MAMDC2: variants seen among roughly 807,000 people sequenced by gnomAD.
The protein encoded by MAMDC2 is MAM domain-containing protein 2.
Under a neutral mutation model 89.8 loss-of-function variants are expected in MAMDC2, and 57 were observed. The ratio of observed to expected loss-of-function variants is 0.63; its 90% CI spans 0.51 to 0.79. The LOEUF (loss-of-function observed/expected upper bound fraction) is 0.79, where lower values mean the gene tolerates loss of function less well. MAMDC2 is among the 30% of genes least tolerant of loss of function. The pLI is 0.00. For synonymous variants in MAMDC2, 313 were observed against 293.4 expected, an observed-to-expected ratio of 1.07 and a Z score of -0.68; for missense variants, 800 against 820.6, an observed-to-expected ratio of 0.97 and a Z score of 0.31.
chr9:70,182,051 G>GT, intron 11 of MAMDC2, among the ~76,000 whole-genome samples: 1 of 152,322 alleles, frequency 6.6e-6, no homozygotes, highest in South Asian at 2.1e-4. Context: ...TTTATTGAGA[G>GT]TTTTTAGCAT....
chr9:70,174,891 A>G (rs1285047155), intron 11 of MAMDC2, among the ~76,000 whole-genome samples: 1 of 151,698 alleles, frequency 6.6e-6, no homozygotes. Flanking sequence ...ATGCTCACTC[A>G]TTTTTGTATT....
intron 2 of MAMDC2, chr9:70,092,115 C>T (rs546726094): frequency 3.9e-5 from 6 of 152,246 alleles, no homozygotes; most frequent in East Asian, 1.9e-4. Context: ...AAAGGTAAAG[C>T]GCTGAGTAAA....
chr9:70,220,841 G>C (rs2033542697), intron 12 of MAMDC2, among the ~76,000 whole-genome samples: 1 of 152,120 alleles, frequency 6.6e-6, no homozygotes, highest in Non-Finnish European at 1.5e-5. Flanking sequence ...CTCAAAATGG[G>C]GTAATAATTC....
Position 70,045,271 on chromosome 9 carries a change from C to T in MAMDC2, c.148+574C>T, listed in dbSNP as rs1376278882. Among the ~76,000 whole-genome samples the T allele has an allele frequency of 2.6e-5, 4 of 152,210 alleles. No individual in the cohort carries two copies. In the East Asian group the frequency reaches 7.7e-4, roughly 29 times the overall value. Reference sequence around the variant, plus strand: ...AGAAACCATGTACACTGCCAAATGCCTGGGGTCCCTGTCTCACTGGTGGTC... The same window carrying T: ...AGAAACCATGTACACTGCCAAATGCTTGGGGTCCCTGTCTCACTGGTGGTC... On this transcript the variant is annotated intron_variant, in intron 2 of 13. Transcript: ENST00000377182.
chr9:70,179,833 T>A (rs2032597164), intron 11 of MAMDC2, among the ~76,000 whole-genome samples: 1 of 145,302 alleles, frequency 6.9e-6, no homozygotes. Flanking sequence ...ACAAAACACC[T>A]GAAAATGCAA....
In MAMDC2 at chr9:70,044,096, C is replaced by A; in HGVS notation, c.-102C>A. On this transcript the variant is annotated 5_prime_UTR_variant, in exon 1 of 14. Coordinates refer to ENST00000377182, the MANE Select transcript of MAMDC2 (RefSeq NM_153267.5). ...CTCTCGACTTCTCCCTCCTTGGGTC[C>A]CCGGCGCCCCCGCCTCCCACGATCC... The A allele has an allele frequency of 7.0e-7, 1 of 1,422,764 alleles. No homozygotes were observed. Among genetic ancestry groups the A allele is most frequent in the Non-Finnish European group, 9.8e-7 (1 of 1,018,102 alleles). The allele number at this position is 1,422,764 out of a possible 1,614,324, so 88.1% of individuals were successfully genotyped here. A position where few individuals can be genotyped will look rare whatever the true frequency, so the allele number is the denominator to read the frequency against.
intron 2 of MAMDC2, among the ~76,000 whole-genome samples, chr9:70,058,356 C>T (rs897375790): frequency 6.6e-6 from 1 of 152,134 alleles, no homozygotes; most frequent in African/African-American, 2.4e-5. Context: ...AAGAACATAA[C>T]CATTCTGCTT....
intron 12 of MAMDC2, among the ~76,000 whole-genome samples, chr9:70,223,349 ATTAT>A (rs1438569853): frequency 6.6e-6 from 1 of 152,192 alleles, no homozygotes; most frequent in African/African-American, 2.4e-5. Flanking sequence ...ATTTTATCTA[ATTAT>A]TAACCAAAAT....
At chr9:70,082,399 C>A (rs905946648) in intron 2 of MAMDC2, among the ~76,000 whole-genome samples, 3 of 152,064 alleles carry the variant, frequency 2.0e-5, no homozygotes, top group Admixed American at 1.3e-4. Flanking sequence ...TAAAAAAACT[C>A]TTTTAAAAAA....
Position 70,222,294 on chromosome 9 carries a change from G to T in MAMDC2, c.1912-3456G>T, listed in dbSNP as rs79737491. ...GCAGGAAGAAAATTAATAGACTTCT[G>T]GGGGGACATGTTAAGTTTTCTATGT... On this transcript the variant is annotated intron_variant, in intron 12 of 13. Coordinates refer to ENST00000377182, the MANE Select transcript of MAMDC2 (RefSeq NM_153267.5). Among the ~76,000 whole-genome samples, 862 of 152,258 alleles carry T rather than the reference G, an allele frequency of 5.7e-3. 10 individuals are homozygous for T. The highest frequency in any genetic ancestry group is 0.02 in the African/African-American group (833 of 41,550).
intron 9 of MAMDC2, among the ~76,000 whole-genome samples, chr9:70,151,803 C>T (rs1445254385): frequency 6.6e-6 from 1 of 152,096 alleles, no homozygotes; most frequent in East Asian, 1.9e-4. Context: ...AGAATGCAGT[C>T]TAGCTTAAGG....
intron 8 of MAMDC2, 21 bp from the exon 9 acceptor site, chr9:70,143,533 T>C (rs1563973083): frequency 3.1e-6 from 5 of 1,611,602 alleles, no homozygotes; most frequent in Non-Finnish European, 4.2e-6. Context: ...GCATTGCTGA[T>C]ATGCTTTATC....
chr9:70,062,257 G>A (rs959695519), intron 2 of MAMDC2, among the ~76,000 whole-genome samples: 1 of 145,082 alleles, frequency 6.9e-6, no homozygotes, highest in African/African-American at 2.8e-5. Flanking sequence ...CATATGAGAT[G>A]TATACACACA....
rs545046198 is a variant in MAMDC2, at chr9:70,201,715, T to C, written c.1652-16622T>C. 3.1e-3 allele frequency among the ~76,000 whole-genome samples: 438 copies of C among 140,508 alleles called. 3 individuals carry two copies. Among genetic ancestry groups the C allele is most frequent in the African/African-American group, 0.011 (404 of 35,268 alleles). 92.2% of individuals were successfully genotyped at this position (140,508 alleles called of 152,430 possible). On this transcript the variant is annotated intron_variant, in intron 11 of 13. Coordinates refer to ENST00000377182, the MANE Select transcript of MAMDC2 (RefSeq NM_153267.5). ...TTTTTGGTTGGTAAACTATTGATTA[T>C]TGCCACAATTTCAGATCCTGTTATT...
At chr9:70,171,731 A>C (rs1326810614) in intron 11 of MAMDC2, among the ~76,000 whole-genome samples, 2 of 152,160 alleles carry the variant, frequency 1.3e-5, no homozygotes, top group Non-Finnish European at 2.9e-5. Flanking sequence ...TTATGGTCTA[A>C]CTTGGGATAT....
At chr9:70,132,145 C>A (rs2030833602) in intron 7 of MAMDC2, among the ~76,000 whole-genome samples, 1 of 152,094 alleles carries the variant, frequency 6.6e-6, no homozygotes, top group Non-Finnish European at 1.5e-5. Flanking sequence ...CAGGATGAAC[C>A]CTCAAATTAT....
chr9:70,183,417 C>G (rs2032685041), intron 11 of MAMDC2, among the ~76,000 whole-genome samples: 1 of 152,134 alleles, frequency 6.6e-6, no homozygotes, highest in South Asian at 2.1e-4. Flanking sequence ...AATTTTCTGT[C>G]TCATTGATCT....
At chr9:70,198,197 C>A (rs2309640) in intron 11 of MAMDC2, among the ~76,000 whole-genome samples, 1 of 148,826 alleles carries the variant, frequency 6.7e-6, no homozygotes, top group Non-Finnish European at 1.5e-5. Context: ...CACACACACA[C>A]AATATATAAT....
At chr9:70,045,715 T>C (rs111911111) in intron 2 of MAMDC2, among the ~76,000 whole-genome samples, 1 of 152,124 alleles carries the variant, frequency 6.6e-6, no homozygotes, top group Non-Finnish European at 1.5e-5. Context: ...ATACATTAGC[T>C]TCTCTGACCC....
Sources: allele counts gnomAD v4.1 joint callset (sites outside exome capture counted in the v4.1 genomes callset), GRCh38; gene constraint gnomAD v4.1.1; transcripts MANE v1.5; gene names NCBI Gene and HGNC (gene_info 2026-07-23, HGNC 2026-07-21).